CACNA2D1: variants seen among roughly 807,000 people sequenced by gnomAD.
CACNA2D1 encodes the protein voltage-dependent calcium channel subunit alpha-2/delta-1.
A neutral mutation model predicts 171.5 loss-of-function variants in CACNA2D1; 53 were observed. The observed-to-expected ratio is 0.31, with a 90% confidence interval of 0.25 to 0.39. The LOEUF (loss-of-function observed/expected upper bound fraction) is 0.39, where lower values mean the gene tolerates loss of function less well. Ranked by LOEUF, CACNA2D1 falls within the 10% of genes least tolerant of loss-of-function variation. CACNA2D1 has a pLI of 1.00. For missense variants in CACNA2D1, 903 were observed against 1,299.8 expected (o/e 0.69, Z 4.69); for synonymous variants, 442 against 443.1 (o/e 1.00, Z 0.03).
intron 3 of CACNA2D1, among the ~76,000 whole-genome samples, chr7:82,201,376 C>A (rs542871003): frequency 2.0e-5 from 3 of 152,258 alleles, no homozygotes; most frequent in Admixed American, 2.0e-4. Flanking sequence ...TTTTTTTAAT[C>A]ACTTTAGAAT....
intron 11 of CACNA2D1, among the ~76,000 whole-genome samples, chr7:82,033,458 ATTAAT>A (rs1480282474): frequency 6.6e-6 from 1 of 152,100 alleles, no homozygotes; most frequent in African/African-American, 2.4e-5. Context: ...AAAAAATAAC[ATTAAT>A]TTAAAATGTG....
At chr7:82,160,917 A>T (rs1439641007) in intron 4 of CACNA2D1, among the ~76,000 whole-genome samples, 1 of 152,062 alleles carries the variant, frequency 6.6e-6, no homozygotes, top group Non-Finnish European at 1.5e-5. Flanking sequence ...ATCCCATTTT[A>T]GGTTCCATAG....
intron 1 of CACNA2D1, among the ~76,000 whole-genome samples, chr7:82,439,276 T>A (rs1234760348): frequency 1.3e-5 from 2 of 152,054 alleles, no homozygotes; most frequent in Admixed American, 6.5e-5. Context: ...ATATACTAAA[T>A]TTTAGCACAA....
intron 3 of CACNA2D1, among the ~76,000 whole-genome samples, chr7:82,215,853 A>G (rs6957848): frequency 0.034 from 5,170 of 152,280 alleles, 272 homozygotes; most frequent in African/African-American, 0.12. Context: ...TAGTTCTACC[A>G]GTATTTTTGC....
intron 3 of CACNA2D1, among the ~76,000 whole-genome samples, chr7:82,189,636 C>T (rs1322817046): frequency 6.6e-6 from 1 of 151,600 alleles, no homozygotes; most frequent in East Asian, 1.9e-4. Flanking sequence ...ATAAGAGATA[C>T]CAACTGAATA....
intron 21 of CACNA2D1, among the ~76,000 whole-genome samples, chr7:81,988,344 G>A (rs910584745): frequency 1.3e-5 from 2 of 152,120 alleles, no homozygotes; most frequent in Non-Finnish European, 2.9e-5. Flanking sequence ...GATTGTGCAT[G>A]TATAAAGAAA....
intron 3 of CACNA2D1, among the ~76,000 whole-genome samples, chr7:82,220,884 T>C (rs1177502163): frequency 1.5e-4 from 22 of 151,124 alleles, no homozygotes; most frequent in Non-Finnish European, 5.9e-5. Context: ...GTTAAAGCGA[T>C]TCTCATGCCT....
At chr7:82,365,514 G>A (rs1182530388) in intron 1 of CACNA2D1, among the ~76,000 whole-genome samples, 2 of 152,080 alleles carry the variant, frequency 1.3e-5, no homozygotes, top group Non-Finnish European at 2.9e-5. Flanking sequence ...CATTACTCAA[G>A]AATACATCCT....
At chr7:82,045,004 T>C (rs1331538684) in intron 10 of CACNA2D1, among the ~76,000 whole-genome samples, 1 of 152,166 alleles carries the variant, frequency 6.6e-6, no homozygotes, top group Non-Finnish European at 1.5e-5. Context: ...GGTGAAATGT[T>C]ATAACTGCAG....
intron 1 of CACNA2D1, among the ~76,000 whole-genome samples, chr7:82,411,117 A>G (rs1827599959): frequency 6.6e-6 from 1 of 152,220 alleles, no homozygotes; most frequent in Non-Finnish European, 1.5e-5. Flanking sequence ...TCACTAGCCT[A>G]GAGAAAGTGA....
At chr7:82,385,440 A>C (rs994846476) in intron 1 of CACNA2D1, among the ~76,000 whole-genome samples, 9 of 152,216 alleles carry the variant, frequency 5.9e-5, no homozygotes, top group Admixed American at 5.9e-4. Flanking sequence ...GTCTGGTGAT[A>C]AAATATAGTT....
intron 5 of CACNA2D1, among the ~76,000 whole-genome samples, chr7:82,120,714 A>C (rs1789623562): frequency 6.6e-6 from 1 of 152,038 alleles, no homozygotes; most frequent in African/African-American, 2.4e-5. Flanking sequence ...GTCTGTACTA[A>C]TAATACAAAA....
In CACNA2D1 at chr7:82,060,410, C is replaced by A; in HGVS notation, c.879+18G>T. On this transcript the variant is annotated intron_variant, in intron 10 of 38. Transcript: ENST00000356860. ...ATTGCAAATTTAATTCAGGAAAATG[C>A]AGTCATCTTATACTTACTGAAGCTA... 6.6e-7 allele frequency: 1 copy of A among 1,508,928 alleles called. No homozygotes were observed. Among genetic ancestry groups the A allele is most frequent in the Non-Finnish European group, 9.2e-7 (1 of 1,088,502 alleles). The allele number at this position is 1,508,928 out of a possible 1,614,324, so 93.5% of individuals were successfully genotyped here.
chr7:82,189,393 A>C (rs1798077955), intron 3 of CACNA2D1, among the ~76,000 whole-genome samples: 1 of 151,900 alleles, frequency 6.6e-6, no homozygotes, highest in Admixed American at 6.6e-5. Context: ...TAGTGCTCTA[A>C]GTTTCTCTAT....
intron 12 of CACNA2D1, among the ~76,000 whole-genome samples, chr7:82,022,788 TAAG>T (rs1257513828): frequency 1.3e-5 from 2 of 151,916 alleles, no homozygotes; most frequent in African/African-American, 4.8e-5. Flanking sequence ...ATAAGTACGT[TAAG>T]AATAATGCAT....
chr7:82,080,777 A>G (rs1274071760), intron 7 of CACNA2D1, among the ~76,000 whole-genome samples: 1 of 152,148 alleles, frequency 6.6e-6, no homozygotes, highest in Non-Finnish European at 1.5e-5. Flanking sequence ...TGGCTCAGTC[A>G]TGTTTAGATT....
chr7:82,317,503 T>C (rs1163260797), intron 3 of CACNA2D1, among the ~76,000 whole-genome samples: 2 of 152,198 alleles, frequency 1.3e-5, no homozygotes, highest in Admixed American at 1.3e-4. Flanking sequence ...TCAGTGAGCA[T>C]GTCTAAAATA....
intron 12 of CACNA2D1, among the ~76,000 whole-genome samples, chr7:82,030,816 G>T (rs2131133309): frequency 6.6e-6 from 1 of 151,920 alleles, no homozygotes; most frequent in South Asian, 2.1e-4. Flanking sequence ...AGATTAATTT[G>T]TAAATTTTTG....
At chr7:82,314,265 A>G (rs1214706967) in intron 3 of CACNA2D1, among the ~76,000 whole-genome samples, 1 of 152,156 alleles carries the variant, frequency 6.6e-6, no homozygotes, top group East Asian at 1.9e-4. Flanking sequence ...AAATGAAGTT[A>G]TATTTGTCTT....
Sources: gnomAD v4.1 joint callset for allele counts (sites outside exome capture counted in the v4.1 genomes callset) on GRCh38, gnomAD v4.1.1 for gene constraint, MANE v1.5 for transcripts, NCBI Gene and HGNC (gene_info 2026-07-23, HGNC 2026-07-21) for gene names.